NELL1: variants seen among roughly 807,000 people sequenced by gnomAD.
The protein encoded by NELL1 is protein kinase C-binding protein NELL1.
NELL1 carries 76 observed loss-of-function variants against 107.4 expected under a neutral mutation model. The observed-to-expected ratio is 0.71, with a 90% CI of 0.59 to 0.86. The LOEUF (loss-of-function observed/expected upper bound fraction) is 0.86, where lower values mean the gene tolerates loss of function less well. NELL1 is among the 40% of genes least tolerant of loss of function. NELL1 has a pLI of 0.00. For missense variants in NELL1, 1,024 were observed against 1,005.5 expected (o/e 1.02, Z -0.25); for synonymous variants, 353 against 341.2 (o/e 1.03, Z -0.38).
intron 13 of NELL1, among the ~76,000 whole-genome samples, chr11:21,223,480 G>T (rs1857814003): frequency 6.6e-6 from 1 of 151,920 alleles, no homozygotes; most frequent in African/African-American, 2.4e-5. Flanking sequence ...AGTTTCTTAT[G>T]AACTTCAGGT....
intron 13 of NELL1, among the ~76,000 whole-genome samples, chr11:21,151,767 A>G (rs1856123041): frequency 6.6e-6 from 1 of 152,210 alleles, no homozygotes. Context: ...TGCTTTCTGT[A>G]TCAGTTGATT....
chr11:21,292,483 C>G (rs1358348666), intron 14 of NELL1, among the ~76,000 whole-genome samples: 1 of 152,032 alleles, frequency 6.6e-6, no homozygotes, highest in East Asian at 1.9e-4. Context: ...GAATCAGTAT[C>G]GTGAAAATGG....
intron 14 of NELL1, among the ~76,000 whole-genome samples, chr11:21,264,187 A>G (rs961832890): frequency 1.3e-5 from 2 of 151,580 alleles, no homozygotes; most frequent in Admixed American, 6.6e-5. Context: ...AGCACAGGAG[A>G]AGAAAAGCAG....
chr11:20,795,002 G>A (rs1307381502), intron 3 of NELL1, among the ~76,000 whole-genome samples: 1 of 152,146 alleles, frequency 6.6e-6, no homozygotes, highest in African/African-American at 2.4e-5. Context: ...TTACTGTTTT[G>A]GAAATCACTG....
intron 14 of NELL1, among the ~76,000 whole-genome samples, chr11:21,241,738 C>T (rs1858364921): frequency 6.6e-6 from 1 of 151,872 alleles, no homozygotes; most frequent in Admixed American, 6.6e-5. Flanking sequence ...TTATTTCTAC[C>T]CCAAACAGAA....
At chr11:20,981,147 T>C (rs968384150) in intron 12 of NELL1, among the ~76,000 whole-genome samples, 1 of 152,202 alleles carries the variant, frequency 6.6e-6, no homozygotes, top group African/African-American at 2.4e-5. Context: ...GAATCCACCA[T>C]GCAAGGCACT....
chr11:21,345,643 A>T (rs774762943), intron 14 of NELL1, among the ~76,000 whole-genome samples: 1 of 152,220 alleles, frequency 6.6e-6, no homozygotes, highest in Admixed American at 6.5e-5. Flanking sequence ...CTTGTCTACT[A>T]TAACATGCAA....
At chr11:21,278,856 T>C (rs908730370) in intron 14 of NELL1, among the ~76,000 whole-genome samples, 1 of 152,136 alleles carries the variant, frequency 6.6e-6, no homozygotes, top group Non-Finnish European at 1.5e-5. Flanking sequence ...AGGTGAAGAA[T>C]TGACACTACC....
chr11:21,395,299 T>G, intron 15 of NELL1, among the ~76,000 whole-genome samples: 1 of 151,588 alleles, frequency 6.6e-6, no homozygotes, highest in East Asian at 2.0e-4. Flanking sequence ...CCAAATGAGA[T>G]CCTGAGTTAA....
At chr11:20,988,359 CTA>C (rs1299135712) in intron 12 of NELL1, among the ~76,000 whole-genome samples, 1 of 151,020 alleles carries the variant, frequency 6.6e-6, no homozygotes, top group Non-Finnish European at 1.5e-5. Flanking sequence ...ATACATATCT[CTA>C]TATATACACA....
At chr11:21,360,304 G>A (rs1260465090) in intron 14 of NELL1, among the ~76,000 whole-genome samples, 1 of 152,052 alleles carries the variant, frequency 6.6e-6, no homozygotes, top group Non-Finnish European at 1.5e-5. Context: ...AGTTTTGGGG[G>A]TTCCTTTGGA....
intron 1 of NELL1, among the ~76,000 whole-genome samples, chr11:20,674,828 G>T (rs80349306): frequency 0.019 from 2,935 of 152,260 alleles, 69 homozygotes; most frequent in Non-Finnish European, 0.022. Context: ...CCAATTAATT[G>T]CAGGGCTCTT....
At chr11:21,004,706 G>A (rs1328222878) in intron 12 of NELL1, among the ~76,000 whole-genome samples, 6 of 151,908 alleles carry the variant, frequency 3.9e-5, no homozygotes, top group South Asian at 4.2e-4. Flanking sequence ...TAAGATGAAG[G>A]GCCATCCTTG....
intron 14 of NELL1, among the ~76,000 whole-genome samples, chr11:21,230,444 CTA>C (rs1479729418): frequency 6.6e-6 from 1 of 152,170 alleles, no homozygotes; most frequent in Non-Finnish European, 1.5e-5. Flanking sequence ...TGCTTGTTCA[CTA>C]TGTGTTAATT....
intron 14 of NELL1, among the ~76,000 whole-genome samples, chr11:21,346,958 A>G (rs1315271074): frequency 6.6e-6 from 1 of 152,190 alleles, no homozygotes; most frequent in Non-Finnish European, 1.5e-5. Flanking sequence ...AAGCTAGTTT[A>G]GGAGATTATA....
chr11:21,177,190 A>G (rs1208780442), intron 13 of NELL1, among the ~76,000 whole-genome samples: 1 of 151,792 alleles, frequency 6.6e-6, no homozygotes, highest in Non-Finnish European at 1.5e-5. Flanking sequence ...TATGCAATAG[A>G]TGACCAGAAC....
At chr11:21,027,591 T>C (rs1380526779) in intron 12 of NELL1, among the ~76,000 whole-genome samples, 3 of 152,058 alleles carry the variant, frequency 2.0e-5, no homozygotes, top group Admixed American at 6.6e-5. Context: ...CTCTCAAGGA[T>C]GTTGATGGGA....
intron 3 of NELL1, among the ~76,000 whole-genome samples, chr11:20,793,848 AG>A (rs35235010): frequency 0.56 from 84,453 of 151,912 alleles, 26,636 homozygotes; most frequent in East Asian, 0.87. Flanking sequence ...TAGATTTTTG[AG>A]TTGCAGAATT....
intron 3 of NELL1, among the ~76,000 whole-genome samples, chr11:20,822,856 T>C (rs1857789576): frequency 6.6e-6 from 1 of 152,190 alleles, no homozygotes; most frequent in South Asian, 2.1e-4. Context: ...CTTAAAGACC[T>C]TGGTCTTGTA....
Sources: gnomAD v4.1 joint callset for allele counts (sites outside exome capture counted in the v4.1 genomes callset) on GRCh38, gnomAD v4.1.1 for gene constraint, MANE v1.5 for transcripts, NCBI Gene and HGNC (gene_info 2026-07-23, HGNC 2026-07-21) for gene names.